Variants in SLIT2 observed in about 807,000 individuals in gnomAD.
The protein encoded by SLIT2 is slit homolog 2 protein.
A neutral mutation model predicts 185.7 loss-of-function variants in SLIT2; 41 were observed. The observed-to-expected ratio is 0.22, with a 90% CI of 0.17 to 0.29. The LOEUF (loss-of-function observed/expected upper bound fraction) is 0.29, where lower values mean the gene tolerates loss of function less well. SLIT2 is among the 10% of genes least tolerant of loss of function. SLIT2 has a pLI of 1.00. For synonymous variants in SLIT2, 693 were observed against 680.2 expected (o/e 1.02, Z -0.29); for missense variants, 1,571 against 1,909.0 (o/e 0.82, Z 3.30).
intron 9 of SLIT2, 83 bp downstream of exon 9, chr4:20,491,982 C>A: frequency 7.3e-7 from 1 of 1,373,396 alleles, no homozygotes; most frequent in South Asian, 1.3e-5. Context: ...CTGAGTTTAT[C>A]GAAGGCACAT....
At chr4:20,278,444 A>G (rs1245575743) in intron 4 of SLIT2, among the ~76,000 whole-genome samples, 3 of 152,134 alleles carry the variant, frequency 2.0e-5, no homozygotes, top group East Asian at 1.9e-4. Flanking sequence ...ACTTACTTCT[A>G]TCAAGTTTCA....
intron 4 of SLIT2, among the ~76,000 whole-genome samples, chr4:20,397,674 A>G (rs868032128): frequency 6.6e-6 from 1 of 151,840 alleles, no homozygotes; most frequent in Non-Finnish European, 1.5e-5. Context: ...GCAGTTGCCA[A>G]TAATATCCTC....
At chr4:20,348,285 C>G (rs1010548487) in intron 4 of SLIT2, among the ~76,000 whole-genome samples, 16 of 152,142 alleles carry the variant, frequency 1.1e-4, no homozygotes, top group African/African-American at 3.9e-4. Context: ...GTTGCCCAGG[C>G]TGGAGTGCAG....
At chr4:20,493,713 C>T (rs1204279082) in intron 9 of SLIT2, among the ~76,000 whole-genome samples, 5 of 152,202 alleles carry the variant, frequency 3.3e-5, no homozygotes, top group Admixed American at 1.3e-4. Context: ...AAACTAAGGG[C>T]GGTTGTCAGT....
chr4:20,516,837 A>G lies in SLIT2; in HGVS notation c.1059-2545A>G, dbSNP rs568263794. The stretch of plus-strand genomic sequence containing the variant: ...TATGGTTGATACTCCATATAGCAAT[A>G]ATTCCTATACACATAGATTTCCTGT... On this transcript the variant is annotated intron_variant, in intron 11 of 36. Coordinates refer to ENST00000504154, the MANE Select transcript of SLIT2 (RefSeq NM_004787.4). 7.6e-4 allele frequency among the ~76,000 whole-genome samples: 115 copies of G among 152,286 alleles called. 1 individual carries two copies. The highest frequency in any genetic ancestry group is 2.5e-3 in the African/African-American group (103 of 41,564).
rs185358668 is a variant in SLIT2, at chr4:20,409,787, A to G, written c.396-57965A>G. Among the ~76,000 whole-genome samples the G allele has an allele frequency of 2.2e-4, 33 of 152,200 alleles. No homozygotes were observed. In the East Asian group the frequency reaches 5.6e-3, roughly 26 times the overall value. On this transcript the variant is annotated intron_variant, in intron 4 of 36. Transcript: ENST00000504154. The stretch of plus-strand genomic sequence containing the variant: ...TCTTACTGGTGTGAGATGATATCTC[A>G]TTGTGGTTCTAATTTGCATTTCTCT...
chr4:20,350,155 T>C (rs1365955747), intron 4 of SLIT2, among the ~76,000 whole-genome samples: 1 of 152,184 alleles, frequency 6.6e-6, no homozygotes, highest in African/African-American at 2.4e-5. Context: ...TAAATCTTGT[T>C]CCTTAAAACG....
intron 30 of SLIT2, among the ~76,000 whole-genome samples, chr4:20,593,115 A>G (rs1727644259): frequency 6.6e-6 from 1 of 152,182 alleles, no homozygotes; most frequent in Admixed American, 6.6e-5. Context: ...AAAGTGGATA[A>G]TTAATACAGA....
At chr4:20,418,723 A>G (rs902424929) in intron 4 of SLIT2, among the ~76,000 whole-genome samples, 7 of 152,218 alleles carry the variant, frequency 4.6e-5, no homozygotes, top group African/African-American at 1.4e-4. Flanking sequence ...CTAAGTTGTC[A>G]CATATTGAAA....
intron 5 of SLIT2, among the ~76,000 whole-genome samples, chr4:20,468,271 G>T (rs1427811067): frequency 2.0e-5 from 3 of 152,012 alleles, no homozygotes; most frequent in Non-Finnish European, 4.4e-5. Flanking sequence ...ATTATTTTCT[G>T]GAAATAGTAG....
At chr4:20,349,087 A>G (rs565362380) in intron 4 of SLIT2, among the ~76,000 whole-genome samples, 19 of 152,322 alleles carry the variant, frequency 1.2e-4, no homozygotes, top group African/African-American at 4.6e-4. Flanking sequence ...ATGTTGAACT[A>G]CAAAGGTGAT....
intron 4 of SLIT2, among the ~76,000 whole-genome samples, chr4:20,324,806 TTTGA>T (rs1330038273): frequency 2.0e-5 from 3 of 152,288 alleles, no homozygotes; most frequent in South Asian, 4.1e-4. Flanking sequence ...TGTTCACTAC[TTTGA>T]TTGTGGTGAT....
chr4:20,603,283 C>T (rs941044373), intron 33 of SLIT2, among the ~76,000 whole-genome samples: 9 of 152,068 alleles, frequency 5.9e-5, no homozygotes, highest in African/African-American at 1.2e-4. Flanking sequence ...TGGGGAAAAC[C>T]GCCCCCATAA....
At chr4:20,388,538 C>T (rs1725109900) in intron 4 of SLIT2, among the ~76,000 whole-genome samples, 1 of 151,928 alleles carries the variant, frequency 6.6e-6, no homozygotes, top group Non-Finnish European at 1.5e-5. Context: ...CTTTGGGAGG[C>T]CGAGGCATGT....
chr4:20,442,291 G>A (rs879313618), intron 4 of SLIT2, among the ~76,000 whole-genome samples: 6 of 152,112 alleles, frequency 3.9e-5, no homozygotes, highest in East Asian at 1.9e-4. Flanking sequence ...AGGCCGAGGC[G>A]GGCGGATCAT....
intron 2 of SLIT2, 129 bp downstream of exon 2, chr4:20,256,872 T>A: frequency 1.9e-6 from 1 of 524,226 alleles, no homozygotes; most frequent in Non-Finnish European, 3.4e-6. Context: ...GCTTTCCTTT[T>A]TTCTGTGTTT....
chr4:20,341,904 G>A (rs1436019031), intron 4 of SLIT2, among the ~76,000 whole-genome samples: 2 of 152,114 alleles, frequency 1.3e-5, no homozygotes, highest in Non-Finnish European at 2.9e-5. Context: ...TTGTCAAATA[G>A]GATGTTATAA....
chr4:20,498,394 T>C (rs1178319420), intron 9 of SLIT2, among the ~76,000 whole-genome samples: 2 of 152,208 alleles, frequency 1.3e-5, no homozygotes, highest in African/African-American at 4.8e-5. Flanking sequence ...TGTGAGTCTG[T>C]ACATGATCTG....
chr4:20,350,472 A>G (rs1028428561), intron 4 of SLIT2, among the ~76,000 whole-genome samples: 5 of 152,178 alleles, frequency 3.3e-5, no homozygotes, highest in Non-Finnish European at 7.3e-5. Flanking sequence ...TTATCATTAT[A>G]TCACTATGGC....
Sources: allele counts gnomAD v4.1 joint callset (sites outside exome capture counted in the v4.1 genomes callset), GRCh38; gene constraint gnomAD v4.1.1; transcripts MANE v1.5; gene names NCBI Gene and HGNC (gene_info 2026-07-23, HGNC 2026-07-21).